Variants in NEGR1 observed in about 807,000 individuals in gnomAD.
NEGR1 encodes the protein neuronal growth regulator 1.
A neutral mutation model predicts 40.9 loss-of-function variants in NEGR1; 10 were observed. The ratio of observed to expected loss-of-function variants is 0.24; its 90% confidence interval spans 0.15 to 0.42. The LOEUF (loss-of-function observed/expected upper bound fraction) is 0.42, where lower values mean the gene tolerates loss of function less well. Ranked by LOEUF, NEGR1 falls within the 10% of genes least tolerant of loss-of-function variation. NEGR1 has a pLI of 1.00. For synonymous variants in NEGR1, 185 were observed against 166.8 expected, an observed-to-expected ratio of 1.11 and a Z score of -0.84; for missense variants, 352 against 438.9, an observed-to-expected ratio of 0.80 and a Z score of 1.77.
At chr1:72,185,411 A>C (rs1652576898) in intron 1 of NEGR1, among the ~76,000 whole-genome samples, 1 of 151,952 alleles carries the variant, frequency 6.6e-6, no homozygotes, top group African/African-American at 2.4e-5. Context: ...ACAATCCATT[A>C]AATATGAATA....
At chr1:71,859,865 A>C (rs535414037) in intron 2 of NEGR1, among the ~76,000 whole-genome samples, 2 of 152,190 alleles carry the variant, frequency 1.3e-5, no homozygotes, top group Admixed American at 1.3e-4. Context: ...ATCCATCTAA[A>C]TATCAAAGTA....
rs183463913 is a variant in NEGR1, at chr1:72,051,896, T to G, written c.177-116585A>C. On this transcript the variant is annotated intron_variant, in intron 1 of 6. Transcript: ENST00000357731. ...ATGCCAAGAGAATAGAAAGAGAATA[T>G]GAAGTTTGTTTGTCCTATGTAGAAG... 1.7e-3 allele frequency among the ~76,000 whole-genome samples: 262 copies of G among 151,568 alleles called. 1 individual carries two copies. Among genetic ancestry groups the G allele is most frequent in the Middle Eastern group, 3.4e-3 (1 of 294 alleles).
chr1:71,644,873 C>T lies in NEGR1; in HGVS notation c.668-33727G>A, dbSNP rs1485101199. 2.6e-5 allele frequency among the ~76,000 whole-genome samples: 4 copies of T among 151,960 alleles called. No homozygotes were observed. In the East Asian group the frequency reaches 7.8e-4, roughly 29 times the overall value. ...GGCTTATTTCAATAACTTCCCCAGGCTACTATCTGTTCACATGTTTATTAT... is the reference window on the plus strand; with the variant it reads ...GGCTTATTTCAATAACTTCCCCAGGTTACTATCTGTTCACATGTTTATTAT... On this transcript the variant is annotated intron_variant, in intron 4 of 6. Coordinates refer to ENST00000357731, the MANE Select transcript of NEGR1 (RefSeq NM_173808.3).
At chr1:72,058,868 C>T (rs928133376) in intron 1 of NEGR1, among the ~76,000 whole-genome samples, 2 of 151,468 alleles carry the variant, frequency 1.3e-5, no homozygotes, top group Non-Finnish European at 3.0e-5. Context: ...CTTTTGTGAG[C>T]GGAATTAACC....
intron 1 of NEGR1, among the ~76,000 whole-genome samples, chr1:72,038,191 T>G (rs1428027056): frequency 1.3e-5 from 2 of 152,076 alleles, no homozygotes; most frequent in Admixed American, 1.3e-4. Context: ...GTCTGTTATA[T>G]CCATGCTTTT....
chr1:71,755,301 C>T (rs1343251112), intron 3 of NEGR1, among the ~76,000 whole-genome samples: 3 of 152,180 alleles, frequency 2.0e-5, no homozygotes, highest in Admixed American at 6.5e-5. Context: ...CTCAAGTCAA[C>T]CTCTCAGCTA....
intron 1 of NEGR1, among the ~76,000 whole-genome samples, chr1:71,954,084 G>T (rs1173191361): frequency 2.0e-5 from 3 of 151,900 alleles, no homozygotes; most frequent in Non-Finnish European, 4.4e-5. Flanking sequence ...TGGGGAAATA[G>T]GAATGTGAAA....
chr1:71,642,635 G>T (rs898565395), intron 4 of NEGR1, among the ~76,000 whole-genome samples: 1 of 151,802 alleles, frequency 6.6e-6, no homozygotes, highest in African/African-American at 2.4e-5. Flanking sequence ...AGTGATTTGA[G>T]ATCACAAATC....
chr1:71,661,757 A>G (rs1652062262), intron 4 of NEGR1, among the ~76,000 whole-genome samples: 1 of 152,194 alleles, frequency 6.6e-6, no homozygotes, highest in South Asian at 2.1e-4. Context: ...AACTATATTA[A>G]TAGAGTTAAA....
chr1:71,781,125 T>C (rs114686172), intron 2 of NEGR1, among the ~76,000 whole-genome samples: 3,877 of 152,296 alleles, frequency 0.025, 81 homozygotes, highest in Non-Finnish European at 0.04. Context: ...TCTTCAAAGA[T>C]ATAGCTTTAA....
At position 72,215,911 on chromosome 1, in the gene NEGR1, T is replaced by A. The variant is rs189766181; in HGVS notation, c.176+66408A>T. Reference sequence around the variant, plus strand: ...TGTACTATAAAGACCCATGCACACGTATGTTTATTGCAGCACTGTTGACAA... The same window carrying A: ...TGTACTATAAAGACCCATGCACACGAATGTTTATTGCAGCACTGTTGACAA... On this transcript the variant is annotated intron_variant, in intron 1 of 6. Transcript: ENST00000357731. Among the ~76,000 whole-genome samples the A allele has an allele frequency of 2.7e-3, 415 of 152,138 alleles. 2 individuals carry two copies. Among genetic ancestry groups the A allele is most frequent in the Admixed American group, 7.3e-3 (111 of 15,246 alleles).
intron 1 of NEGR1, among the ~76,000 whole-genome samples, chr1:72,252,448 CAA>C (rs1189268313): frequency 6.6e-6 from 1 of 152,086 alleles, no homozygotes; most frequent in Non-Finnish European, 1.5e-5. Flanking sequence ...TCCCAAAGCT[CAA>C]AAATATTTCA....
Position 71,806,888 on chromosome 1 carries a change from G to GTTTT in NEGR1, c.410-30595_410-30592dup, listed in dbSNP as rs1244863559. On this transcript the variant is annotated intron_variant, in intron 2 of 6. Transcript: ENST00000357731. ...AAGTACTGCGCAAACATGTCGATCTGTTTTTTTTTGTTTTTTTTTTTTGAG... is the reference window on the plus strand; with the variant it reads ...AAGTACTGCGCAAACATGTCGATCTGTTTTTTTTTTTTTGTTTTTTTTTTTTGAG... Among the ~76,000 whole-genome samples, 30 of 120,548 alleles carry GTTTT rather than the reference G, an allele frequency of 2.5e-4. 4 individuals carry two copies. Among genetic ancestry groups the GTTTT allele is most frequent in the Non-Finnish European group, 2.7e-4 (15 of 56,220 alleles). The allele number at this position is 120,548 out of a possible 152,430, so 79.1% of individuals were successfully genotyped here. A position where few individuals can be genotyped will look rare whatever the true frequency, so the allele number is the denominator to read the frequency against.
intron 1 of NEGR1, among the ~76,000 whole-genome samples, chr1:72,053,667 T>C (rs1647083174): frequency 6.6e-6 from 1 of 151,228 alleles, no homozygotes. Flanking sequence ...AGCCAAATTA[T>C]ATCTATAATT....
At chr1:71,637,804 C>A (rs1225990546) in intron 4 of NEGR1, among the ~76,000 whole-genome samples, 1 of 151,920 alleles carries the variant, frequency 6.6e-6, no homozygotes, top group African/African-American at 2.4e-5. Flanking sequence ...ATGCAGAGGT[C>A]ACCTAACCCA....
chr1:72,063,058 C>G (rs74837236), intron 1 of NEGR1, among the ~76,000 whole-genome samples: 3 of 151,532 alleles, frequency 2.0e-5, no homozygotes, highest in African/African-American at 7.3e-5. Context: ...TTAGAAGTCT[C>G]GAATAGATTA....
intron 1 of NEGR1, among the ~76,000 whole-genome samples, chr1:72,178,142 C>A (rs555888178): frequency 3.3e-5 from 5 of 150,564 alleles, no homozygotes; most frequent in African/African-American, 1.2e-4. Flanking sequence ...TGTTTTTGTT[C>A]TTTTTTTTTA....
intron 1 of NEGR1, among the ~76,000 whole-genome samples, chr1:71,983,987 T>G (rs2100344107): frequency 6.7e-6 from 1 of 148,182 alleles, no homozygotes; most frequent in East Asian, 2.4e-4. Flanking sequence ...TCTCAAAACT[T>G]TCATTAATCA....
At chr1:71,473,867 G>A (rs1646800634) in intron 6 of NEGR1, among the ~76,000 whole-genome samples, 2 of 151,956 alleles carry the variant, frequency 1.3e-5, no homozygotes, top group Non-Finnish European at 1.5e-5. Flanking sequence ...TATTCTGTGT[G>A]TCAGAAATGA....
Sources: gnomAD v4.1 joint callset for allele counts (sites outside exome capture counted in the v4.1 genomes callset) on GRCh38, gnomAD v4.1.1 for gene constraint, MANE v1.5 for transcripts, NCBI Gene and HGNC (gene_info 2026-07-23, HGNC 2026-07-21) for gene names.